Variants in ATP6V0D1 observed in about 807,000 individuals in gnomAD.
The protein encoded by ATP6V0D1 is ATPase H+ transporting V0 subunit d1.
In ATP6V0D1, 13 loss-of-function variants were observed where a neutral mutation model predicts 39.0. That is an observed-to-expected ratio of 0.33 (90% confidence interval 0.22 to 0.53). ATP6V0D1 has a LOEUF of 0.53. ATP6V0D1 is among the 20% of genes least tolerant of loss of function. The probability of loss-of-function intolerance (pLI) is 0.94; values close to 1 mark genes in which losing one functional copy is unlikely to be tolerated. For synonymous variants in ATP6V0D1, 191 were observed against 191.2 expected (o/e 1.00, Z 0.01); for missense variants, 272 against 470.9 (o/e 0.58, Z 3.91).
chr16:67,464,533 G>A (rs1375844801), intron 1 of ATP6V0D1, among the ~76,000 whole-genome samples: 1 of 152,180 alleles, frequency 6.6e-6, no homozygotes, highest in Admixed American at 6.5e-5. Flanking sequence ...CCCAGCCCCT[G>A]AGGGCCACTC....
Position 67,456,289 on chromosome 16 carries a change from T to C in ATP6V0D1, c.131-2574A>G, listed in dbSNP as rs1309054712. ...TGCGATTACAGGCGTGAACCACGTG[T>C]GCAAGTCTTTTTAAGAGAAACATGG... On this transcript the variant is annotated intron_variant, in intron 1 of 7. Transcript: ENST00000290949. This position sits in a 1 kb window ranked among gnomAD's most constrained non-coding sequence, Gnocchi z 4.1. 1 of 152,162 alleles carries C rather than the reference T, an allele frequency of 6.6e-6. No homozygotes were observed. The highest frequency in any genetic ancestry group is 1.5e-5 in the Non-Finnish European group (1 of 68,018). The allele number at this position is 152,162 out of a possible 1,614,324, so 9.4% of individuals were successfully genotyped here.
intron 2 of ATP6V0D1, among the ~76,000 whole-genome samples, chr16:67,448,863 C>T (rs974859553): frequency 2.2e-4 from 34 of 152,268 alleles, no homozygotes; most frequent in African/African-American, 7.7e-4. Context: ...AAGGCAGGAG[C>T]CAGGTCTAGC....
At chr16:67,471,670 T>C (rs559609559) in intron 1 of ATP6V0D1, among the ~76,000 whole-genome samples, 7 of 152,020 alleles carry the variant, frequency 4.6e-5, no homozygotes, top group Middle Eastern at 3.4e-3. Flanking sequence ...TTAAAAAAAA[T>C]TATTATTAAT....
intron 2 of ATP6V0D1, among the ~76,000 whole-genome samples, chr16:67,451,298 G>A (rs749222965): frequency 4.6e-5 from 7 of 152,160 alleles, no homozygotes; most frequent in Non-Finnish European, 8.8e-5. Context: ...AGAGAGCTGC[G>A]GATGTTGGCA....
intron 1 of ATP6V0D1, among the ~76,000 whole-genome samples, chr16:67,471,005 G>A (rs1030312449): frequency 2.6e-5 from 4 of 152,164 alleles, no homozygotes; most frequent in African/African-American, 9.7e-5. Context: ...CAAGTGTCCT[G>A]CTTCTGGCCT....
At chr16:67,480,596 T>C (rs2041461910) in intron 1 of ATP6V0D1, among the ~76,000 whole-genome samples, 1 of 151,836 alleles carries the variant, frequency 6.6e-6, no homozygotes, top group Non-Finnish European at 1.5e-5. Flanking sequence ...TCCCTAAGGG[T>C]TGCTACGCGA....
intron 1 of ATP6V0D1, among the ~76,000 whole-genome samples, chr16:67,469,166 G>C (rs1460699689): frequency 6.6e-6 from 1 of 152,154 alleles, no homozygotes; most frequent in Non-Finnish European, 1.5e-5. Flanking sequence ...AAATTAGCCA[G>C]GCGTGGTGGC....
At chr16:67,464,032 T>C (rs1410985676) in intron 1 of ATP6V0D1, among the ~76,000 whole-genome samples, 1 of 152,170 alleles carries the variant, frequency 6.6e-6, no homozygotes, top group Non-Finnish European at 1.5e-5. Context: ...ATATGGTATC[T>C]AGTTTGAAGG....
Position 67,453,410 on chromosome 16 carries a change from T to C in ATP6V0D1, c.302+134A>G, listed in dbSNP as rs1597575081. 6.4e-6 allele frequency: 7 copies of C among 1,087,364 alleles called. No individual in the cohort carries two copies. Among genetic ancestry groups the C allele is most frequent in the East Asian group, 4.8e-5 (2 of 41,362 alleles). The allele number at this position is 1,087,364 out of a possible 1,614,324, so 67.4% of individuals were successfully genotyped here. A position where few individuals can be genotyped will look rare whatever the true frequency, so the allele number is the denominator to read the frequency against. On this transcript the variant is annotated intron_variant, in intron 2 of 7. Coordinates refer to ENST00000290949, the MANE Select transcript of ATP6V0D1 (RefSeq NM_004691.5). The surrounding 1 kb of genome is among the most constrained non-coding windows in gnomAD (Gnocchi z 4.1). ...AGGTAGGGTCCTGGGACACCTGGCCTGACAGAGCTGCCATCAGCTCTGACA... is the reference window on the plus strand; with the variant it reads ...AGGTAGGGTCCTGGGACACCTGGCCCGACAGAGCTGCCATCAGCTCTGACA...
At chr16:67,458,318 A>G (rs2041259317) in intron 1 of ATP6V0D1, among the ~76,000 whole-genome samples, 1 of 152,228 alleles carries the variant, frequency 6.6e-6, no homozygotes, top group Non-Finnish European at 1.5e-5. Context: ...GCAGGATCTA[A>G]GCACAGAAGG....
At position 67,453,018 on chromosome 16, in the gene ATP6V0D1, G is replaced by A. The variant is rs1379353580; in HGVS notation, c.302+526C>T. Among the ~76,000 whole-genome samples the A allele has an allele frequency of 2.0e-5, 3 of 152,148 alleles. No homozygotes were observed. The highest frequency in any genetic ancestry group is 1.9e-4 in the East Asian group (1 of 5,198). On this transcript the variant is annotated intron_variant, in intron 2 of 7. Transcript: ENST00000290949. The surrounding 1 kb of genome is among the most constrained non-coding windows in gnomAD (Gnocchi z 4.1). ...TCAGCCTGCCCCTCAACTCTACTCC[G>A]AACCAATCTCCCTGAGACCCAGGGC...
rs557321568 is a variant in ATP6V0D1, at chr16:67,456,508, C to T, written c.131-2793G>A. Reference sequence around the variant, plus strand: ...CAGGCCCAGCAAGTGCTGAAATCTCCACTAGGGGAAGCTGCAGAGCGGATG... The same window carrying T: ...CAGGCCCAGCAAGTGCTGAAATCTCTACTAGGGGAAGCTGCAGAGCGGATG... On this transcript the variant is annotated intron_variant, in intron 1 of 7. Coordinates refer to ENST00000290949, the MANE Select transcript of ATP6V0D1 (RefSeq NM_004691.5). The surrounding 1 kb of genome is among the most constrained non-coding windows in gnomAD (Gnocchi z 4.1). The T allele has an allele frequency of 6.6e-6, 1 of 152,356 alleles. No homozygotes were observed. The highest frequency in any genetic ancestry group is 1.9e-4 in the East Asian group (1 of 5,182). 9.4% of individuals were successfully genotyped at this position (152,356 alleles called of 1,614,324 possible).
chr16:67,440,556 T>G (rs1009405047), intron 4 of ATP6V0D1: 2 of 152,254 alleles, frequency 1.3e-5, no homozygotes, highest in African/African-American at 4.8e-5. Flanking sequence ...TTCTAGATTG[T>G]AGGCAAGGGT....
At chr16:67,464,897 T>C (rs2142325840) in intron 1 of ATP6V0D1, among the ~76,000 whole-genome samples, 1 of 152,324 alleles carries the variant, frequency 6.6e-6, no homozygotes, top group East Asian at 1.9e-4. Flanking sequence ...CTGCCACCAA[T>C]CTGCCCAGCG....
At chr16:67,450,384 G>A (rs940436699) in intron 2 of ATP6V0D1, among the ~76,000 whole-genome samples, 9 of 152,192 alleles carry the variant, frequency 5.9e-5, no homozygotes, top group Non-Finnish European at 1.2e-4. Context: ...CCCAGCCTGG[G>A]GGAGCTCAGG....
chr16:67,459,519 G>A (rs574576527), intron 1 of ATP6V0D1, among the ~76,000 whole-genome samples: 216 of 152,302 alleles, frequency 1.4e-3, no homozygotes, highest in African/African-American at 5.0e-3. Flanking sequence ...TATCACCCTA[G>A]CCCTTGATTA....
intron 1 of ATP6V0D1, among the ~76,000 whole-genome samples, chr16:67,470,959 A>G (rs776968998): frequency 6.6e-6 from 1 of 152,126 alleles, no homozygotes; most frequent in Non-Finnish European, 1.5e-5. Flanking sequence ...TGGTTAGTCC[A>G]TATTCTCCTA....
At chr16:67,457,493 C>A in intron 1 of ATP6V0D1, 1 of 1,074,380 alleles carries the variant, frequency 9.3e-7, no homozygotes. Context: ...CAGGTGGTGG[C>A]AGAGGGGTGG....
intron 1 of ATP6V0D1, among the ~76,000 whole-genome samples, chr16:67,471,661 T>TA (rs1349451676): frequency 2.6e-5 from 4 of 151,866 alleles, no homozygotes; most frequent in African/African-American, 9.7e-5. Context: ...GTTTCTTTTT[T>TA]AAAAAAAATT....
Sources: allele counts gnomAD v4.1 joint callset (sites outside exome capture counted in the v4.1 genomes callset), GRCh38; gene constraint gnomAD v4.1.1; non-coding constraint Gnocchi (gnomAD v3.1); transcripts MANE v1.5; gene names NCBI Gene and HGNC (gene_info 2026-07-23, HGNC 2026-07-21).